The following GRM5 variants were observed in gnomAD, a reference collection of about 807,000 sequenced individuals.
GRM5 encodes the protein glutamate metabotropic receptor 5.
A neutral mutation model predicts 83.1 loss-of-function variants in GRM5; 19 were observed. The observed-to-expected ratio is 0.23, with a 90% CI of 0.16 to 0.34. The LOEUF is 0.34. Ranked by LOEUF, GRM5 falls within the 10% of genes least tolerant of loss-of-function variation. GRM5 has a pLI of 1.00. For synonymous variants in GRM5, 675 were observed against 633.6 expected, an observed-to-expected ratio of 1.07 and a Z score of -0.98; for missense variants, 1,160 against 1,588.3, an observed-to-expected ratio of 0.73 and a Z score of 4.58.
At chr11:88,847,367 T>C (rs760109111) in intron 3 of GRM5, among the ~76,000 whole-genome samples, 3 of 152,196 alleles carry the variant, frequency 2.0e-5, no homozygotes, top group Non-Finnish European at 4.4e-5. Context: ...TGTCAAATAA[T>C]GATTAAATGA....
At chr11:89,025,856 T>C (rs2135116812) in intron 2 of GRM5, among the ~76,000 whole-genome samples, 1 of 152,294 alleles carries the variant, frequency 6.6e-6, no homozygotes, top group East Asian at 1.9e-4. Context: ...GAATATAAAT[T>C]GTTTTAACAT....
intron 3 of GRM5, among the ~76,000 whole-genome samples, chr11:88,784,080 C>T (rs1444783683): frequency 6.6e-6 from 1 of 152,040 alleles, no homozygotes; most frequent in Non-Finnish European, 1.5e-5. Flanking sequence ...ACATTTACCA[C>T]TATACCACCA....
At chr11:88,972,201 A>T (rs1035521064) in intron 2 of GRM5, among the ~76,000 whole-genome samples, 1 of 152,146 alleles carries the variant, frequency 6.6e-6, no homozygotes, top group Non-Finnish European at 1.5e-5. Flanking sequence ...CCAACCAGAG[A>T]CATGCCAGCC....
chr11:88,635,019 G>A (rs1939079783), intron 4 of GRM5, among the ~76,000 whole-genome samples: 2 of 152,186 alleles, frequency 1.3e-5, no homozygotes, highest in Admixed American at 6.5e-5. Context: ...TTTTGGTGGG[G>A]AGGAAGGGCA....
chr11:88,910,648 G>A (rs2135608522), intron 2 of GRM5, among the ~76,000 whole-genome samples: 1 of 152,176 alleles, frequency 6.6e-6, no homozygotes, highest in South Asian at 2.1e-4. Flanking sequence ...GACTATATAT[G>A]TCTAAGATTG....
At chr11:88,672,922 G>T (rs1940228379) in intron 3 of GRM5, among the ~76,000 whole-genome samples, 1 of 151,880 alleles carries the variant, frequency 6.6e-6, no homozygotes, top group South Asian at 2.1e-4. Context: ...AGACAGAGAA[G>T]TTACTGTATC....
intron 2 of GRM5, among the ~76,000 whole-genome samples, chr11:88,938,484 G>A (rs1323086728): frequency 6.6e-6 from 1 of 150,926 alleles, no homozygotes; most frequent in Non-Finnish European, 1.5e-5. Flanking sequence ...TGTATTTAGT[G>A]TTAAACATTG....
At chr11:88,597,446 G>T (rs1254017743) in intron 5 of GRM5, 94 bp from the exon 6 acceptor site, 1 of 641,740 alleles carries the variant, frequency 1.6e-6, no homozygotes, top group South Asian at 2.2e-5. Context: ...TGTGTCTATT[G>T]TCATATAAGT....
intron 4 of GRM5, among the ~76,000 whole-genome samples, chr11:88,622,838 T>C (rs1329661866): frequency 6.6e-6 from 1 of 152,096 alleles, no homozygotes; most frequent in East Asian, 1.9e-4. Context: ...TTATTTGGAG[T>C]CATATAACCT....
intron 7 of GRM5, among the ~76,000 whole-genome samples, chr11:88,577,118 C>A (rs1943128258): frequency 1.3e-5 from 2 of 151,094 alleles, no homozygotes; most frequent in Middle Eastern, 6.8e-3. Flanking sequence ...TTTTTTTTTC[C>A]TTTGAGGCAT....
chr11:88,818,903 C>T (rs1019140137), intron 3 of GRM5, among the ~76,000 whole-genome samples: 1 of 152,142 alleles, frequency 6.6e-6, no homozygotes, highest in African/African-American at 2.4e-5. Flanking sequence ...TCATTGAATC[C>T]ATTAATTGAA....
chr11:89,013,497 T>G (rs1396846198), intron 2 of GRM5, among the ~76,000 whole-genome samples: 1 of 152,206 alleles, frequency 6.6e-6, no homozygotes, highest in East Asian at 1.9e-4. Flanking sequence ...GTCAGAATCC[T>G]GATGGTGAAG....
chr11:88,886,840 G>A (rs2135579836), intron 2 of GRM5, among the ~76,000 whole-genome samples: 2 of 152,190 alleles, frequency 1.3e-5, no homozygotes, highest in South Asian at 4.2e-4. Context: ...AATCTTGTTT[G>A]GCAAGATCAG....
Position 88,508,104 on chromosome 11 carries a change from AG to A in GRM5, c.*487del, listed in dbSNP as rs1315655519. The A allele has an allele frequency of 6.5e-6, 1 of 153,264 alleles. No homozygotes were observed. The highest frequency in any genetic ancestry group is 2.4e-5 in the African/African-American group (1 of 41,474). 9.5% of individuals were successfully genotyped at this position (153,264 alleles called of 1,614,324 possible). A position where few individuals can be genotyped will look rare whatever the true frequency, so the allele number is the denominator to read the frequency against. On this transcript the variant is annotated 3_prime_UTR_variant, in exon 10 of 10. Coordinates refer to ENST00000305447, the MANE Select transcript of GRM5 (RefSeq NM_001143831.3). The surrounding 1 kb of genome is among the most constrained non-coding windows in gnomAD (Gnocchi z 4.2). ...AAGAAAAAACAAAAAGAAAGAAAAAAGAAAGAAAAAAGTTGATGTTTTGGTC... is the reference window on the plus strand; with the variant it reads ...AAGAAAAAACAAAAAGAAAGAAAAAAAAAGAAAAAAGTTGATGTTTTGGTC...
chr11:88,626,897 G>T (rs1374130722), intron 4 of GRM5, among the ~76,000 whole-genome samples: 1 of 152,130 alleles, frequency 6.6e-6, no homozygotes, highest in East Asian at 1.9e-4. Context: ...GCTGTCTGTA[G>T]GCTGGAAAAT....
chr11:88,720,131 A>AATTG, intron 3 of GRM5, among the ~76,000 whole-genome samples: 1 of 152,078 alleles, frequency 6.6e-6, no homozygotes, highest in East Asian at 1.9e-4. Flanking sequence ...GGAGGTATCC[A>AATTG]ATTGATAGTT....
chr11:88,856,310 C>A (rs1428824521), intron 2 of GRM5, among the ~76,000 whole-genome samples: 1 of 151,858 alleles, frequency 6.6e-6, no homozygotes, highest in African/African-American at 2.4e-5. Context: ...GTTTTTCTTA[C>A]TTTTTAAACT....
chr11:88,667,593 T>G (rs923095791), intron 3 of GRM5, among the ~76,000 whole-genome samples: 5 of 152,012 alleles, frequency 3.3e-5, no homozygotes, highest in Admixed American at 3.3e-4. Context: ...AAAAAAAGTA[T>G]AGTAGAAAGA....
chr11:88,694,691 A>G (rs1373971662), intron 3 of GRM5, among the ~76,000 whole-genome samples: 5 of 152,176 alleles, frequency 3.3e-5, no homozygotes, highest in Non-Finnish European at 5.9e-5. Flanking sequence ...TCATGACCAT[A>G]TAACTGAAGA....
Sources: allele counts gnomAD v4.1 joint callset (sites outside exome capture counted in the v4.1 genomes callset), GRCh38; gene constraint gnomAD v4.1.1; non-coding constraint Gnocchi (gnomAD v3.1); transcripts MANE v1.5; gene names NCBI Gene and HGNC (gene_info 2026-07-23, HGNC 2026-07-21).